The following FRYL variants were observed in gnomAD, a reference collection of about 807,000 sequenced individuals.
The protein encoded by FRYL is protein furry homolog-like.
Under a neutral mutation model 351.2 loss-of-function variants are expected in FRYL, and 150 were observed. The ratio of observed to expected loss-of-function variants is 0.43; its 90% CI spans 0.37 to 0.49. FRYL has a LOEUF of 0.49. Among genes scored for constraint, FRYL ranks in the 20% least tolerant of loss-of-function variants. The probability of loss-of-function intolerance (pLI) is 0.00; values close to 1 mark genes in which losing one functional copy is unlikely to be tolerated. For missense variants in FRYL, 3,036 were observed against 3,619.3 expected, an observed-to-expected ratio of 0.84 and a Z score of 4.13; for synonymous variants, 1,153 against 1,257.1, an observed-to-expected ratio of 0.92 and a Z score of 1.75.
chr4:48,506,549 T>A (rs1720966415), intron 59 of FRYL: 1 of 146,902 alleles, frequency 6.8e-6, no homozygotes, highest in African/African-American at 2.5e-5. Flanking sequence ...TTGGACAGTT[T>A]GATATTATCA....
intron 1 of FRYL, among the ~76,000 whole-genome samples, chr4:48,749,704 C>G (rs564079912): frequency 1.3e-5 from 2 of 152,300 alleles, no homozygotes; most frequent in South Asian, 4.2e-4. Context: ...TGGACTGCTA[C>G]AAGTACCCCC....
At chr4:48,522,334 G>T (rs1329383089) in intron 54 of FRYL, among the ~76,000 whole-genome samples, 1 of 152,148 alleles carries the variant, frequency 6.6e-6, no homozygotes, top group Non-Finnish European at 1.5e-5. Flanking sequence ...CATAGCTGGT[G>T]CCTGGTCTCC....
chr4:48,613,927 G>A (rs868081022), intron 7 of FRYL, among the ~76,000 whole-genome samples: 14 of 144,088 alleles, frequency 9.7e-5, no homozygotes, highest in Admixed American at 4.2e-4. Context: ...CTGTACTCCT[G>A]CATGGGTGAC....
chr4:48,644,993 A>T (rs1756100915), intron 3 of FRYL, among the ~76,000 whole-genome samples: 1 of 151,254 alleles, frequency 6.6e-6, no homozygotes, highest in Non-Finnish European at 1.5e-5. Context: ...AACACAATAA[A>T]GAAAAGGTGC....
At chr4:48,516,165 T>G (rs1410144125) in intron 55 of FRYL, among the ~76,000 whole-genome samples, 1 of 152,228 alleles carries the variant, frequency 6.6e-6, no homozygotes, top group African/African-American at 2.4e-5. Flanking sequence ...TAGATAATTA[T>G]ACTTTTGAAA....
chr4:48,688,320 T>C (rs1209191648), intron 2 of FRYL, among the ~76,000 whole-genome samples: 3 of 152,210 alleles, frequency 2.0e-5, no homozygotes, highest in Admixed American at 6.5e-5. Flanking sequence ...TTTAAAATGA[T>C]TGTAGTTCCT....
chr4:48,567,383 T>G lies in FRYL; in HGVS notation c.3034A>C (p.Asn1012His). 2 of 1,608,180 alleles carry G rather than the reference T, an allele frequency of 1.2e-6. No individual in the cohort carries two copies. Among genetic ancestry groups the G allele is most frequent in the South Asian group, 1.1e-5 (1 of 88,738 alleles). Residue 1012 changes from asparagine (N) to histidine (H), a missense_variant, in exon 28 of 64, where the codon AAC becomes CAC. Physicochemically the swap from Asn to His is moderately conservative, Grantham distance 68. Around this residue, in one of 7 missense-constraint regions of FRYL, gnomAD observed 492 missense variants for 551.5 expected, o/e 0.89. Transcript: ENST00000358350. This position sits in a 1 kb window ranked among gnomAD's most constrained non-coding sequence, Gnocchi z 4.2. ...GGLDNETHFL[N>H]NTLLEYVDLT... ...TCTACATATTCCAATAAAGTGTTGT[T>G]GAGAAAATGTGTTTCATTATCAAGG...
At position 48,497,805 on chromosome 4, in the gene FRYL, G is replaced by A. The variant is rs916900910; in HGVS notation, c.*1617C>T. 2 of 152,656 alleles carry A rather than the reference G, an allele frequency of 1.3e-5. No individual in the cohort carries two copies. The highest frequency in any genetic ancestry group is 4.8e-5 in the African/African-American group (2 of 41,458). The allele number at this position is 152,656 out of a possible 1,614,324, so 9.5% of individuals were successfully genotyped here. On this transcript the variant is annotated 3_prime_UTR_variant, in exon 64 of 64. Coordinates refer to ENST00000358350, the MANE Select transcript of FRYL (RefSeq NM_015030.2). The stretch of plus-strand genomic sequence containing the variant: ...AGTGATTATGAATGAGCTGTGACCA[G>A]TTACGAAATTTTACTGGAAATGTTT...
chr4:48,565,812 T>C (rs1268773535), intron 28 of FRYL, 121 bp from the exon 29 acceptor site: 2 of 985,422 alleles, frequency 2.0e-6, no homozygotes, highest in Non-Finnish European at 3.0e-6. Context: ...CATTTTAAAC[T>C]ATCAAAAACC....
At chr4:48,728,768 A>G (rs1355946767) in intron 1 of FRYL, among the ~76,000 whole-genome samples, 1 of 152,206 alleles carries the variant, frequency 6.6e-6, no homozygotes, top group Non-Finnish European at 1.5e-5. Context: ...AGATGGACGA[A>G]TAGTAACAGC....
chr4:48,739,421 A>AAAAAAAAAT lies in FRYL; in HGVS notation c.-383-28724_-383-28723insATTTTTTTT, dbSNP rs56312141. On this transcript the variant is annotated intron_variant, in intron 1 of 63. Transcript: ENST00000358350. ...GTCTCAAAAAAAAAAAAAAAAAAAA[A>AAAAAAAAAT]CAACTAATCTTTGAAAATGGAGCAA... Among the ~76,000 whole-genome samples, 6 of 117,116 alleles carry AAAAAAAAAT rather than the reference A, an allele frequency of 5.1e-5. 1 individual carries two copies. Among genetic ancestry groups the AAAAAAAAAT allele is most frequent in the Non-Finnish European group, 1.1e-4 (6 of 54,824 alleles). The allele number at this position is 117,116 out of a possible 152,430, so 76.8% of individuals were successfully genotyped here.
Position 48,543,737 on chromosome 4 carries a change from T to C in FRYL, c.5592+70A>G. On this transcript the variant is annotated intron_variant, in intron 44 of 63. Transcript: ENST00000358350. ...CATTATCTTGCTCTAGCTATAGCAA[T>C]CTATATGGACAATAAATCCTTGACA... is the stretch of plus-strand genomic sequence containing the variant. 3.0e-6 allele frequency: 4 copies of C among 1,349,508 alleles called. No homozygotes were observed. In the South Asian group the frequency reaches 5.4e-5, roughly 18 times the overall value. The allele number at this position is 1,349,508 out of a possible 1,614,324, so 83.6% of individuals were successfully genotyped here.
intron 4 of FRYL, among the ~76,000 whole-genome samples, chr4:48,632,726 T>A (rs1753485841): frequency 6.6e-6 from 1 of 152,126 alleles, no homozygotes; most frequent in Non-Finnish European, 1.5e-5. Flanking sequence ...ATGTATCAGA[T>A]CCCGGAACAT....
chr4:48,559,313 T>C (rs1560604058), intron 33 of FRYL, among the ~76,000 whole-genome samples: 1 of 151,570 alleles, frequency 6.6e-6, no homozygotes, highest in Non-Finnish European at 1.5e-5. Flanking sequence ...TCTGTGGGTA[T>C]AGGGGTCACG....
intron 3 of FRYL, among the ~76,000 whole-genome samples, chr4:48,657,577 T>A (rs1759515538): frequency 6.6e-6 from 1 of 152,202 alleles, no homozygotes; most frequent in Admixed American, 6.5e-5. Context: ...GTATTCTTTT[T>A]ATAAATTCAG....
chr4:48,661,428 A>G (rs1305049616), intron 3 of FRYL, among the ~76,000 whole-genome samples: 2 of 152,338 alleles, frequency 1.3e-5, no homozygotes, highest in Admixed American at 1.3e-4. Flanking sequence ...ACTACAGTAC[A>G]GGAAGGGATC....
Position 48,553,666 on chromosome 4 carries a change from A to C in FRYL, c.4267-283T>G, listed in dbSNP as rs540764677. Among the ~76,000 whole-genome samples the C allele has an allele frequency of 3.9e-4, 59 of 152,150 alleles. 3 individuals carry two copies. Among genetic ancestry groups the C allele is most frequent in the African/African-American group, 1.2e-3 (51 of 41,534 alleles). On this transcript the variant is annotated intron_variant, in intron 35 of 63. Transcript: ENST00000358350. ...TTTCTTTACTTTAAAAAAAAAAAAA[A>C]AAAAAAACAAAAAAATACTTTTCTG...
In FRYL at chr4:48,551,344, T is replaced by A. The variant is rs1732700602; in HGVS notation, c.4520+150A>T. The A allele has an allele frequency of 1.2e-5, 6 of 514,508 alleles. No homozygotes were observed. The South Asian group carries it at 2.0e-4, about 17-fold the overall frequency. The allele number at this position is 514,508 out of a possible 1,614,324, so 31.9% of individuals were successfully genotyped here. A position where few individuals can be genotyped will look rare whatever the true frequency, so the allele number is the denominator to read the frequency against. On this transcript the variant is annotated intron_variant, in intron 37 of 63. Coordinates refer to ENST00000358350, the MANE Select transcript of FRYL (RefSeq NM_015030.2). The stretch of plus-strand genomic sequence containing the variant: ...GCATCTTTAATGTTGAAACTCTCAA[T>A]GTGGAAAGTTTCCAGCATGGAAATA...
chr4:48,580,379 T>G (rs1740629102), intron 22 of FRYL: 1 of 153,096 alleles, frequency 6.5e-6, no homozygotes, highest in Non-Finnish European at 1.5e-5. Context: ...CTCTCCATTT[T>G]AATGAGTCAA....
Sources: gnomAD v4.1 joint callset for allele counts (sites outside exome capture counted in the v4.1 genomes callset) on GRCh38, gnomAD v4.1.1 for gene constraint, gnomAD v4.1.1 regional missense constraint, Gnocchi (gnomAD v3.1) non-coding constraint, MANE v1.5 for transcripts, NCBI Gene and HGNC (gene_info 2026-07-23, HGNC 2026-07-21) for gene names.